The following MAP1B variants were observed in gnomAD, a reference collection of about 807,000 sequenced individuals.
The protein encoded by MAP1B is microtubule-associated protein 1B.
In MAP1B, 12 loss-of-function variants were observed where a neutral mutation model predicts 176.1. That is an observed-to-expected ratio of 0.07 (90% CI 0.04 to 0.11). The LOEUF (loss-of-function observed/expected upper bound fraction) is 0.11, where lower values mean the gene tolerates loss of function less well. Among genes scored for constraint, MAP1B ranks in the 10% least tolerant of loss-of-function variants. MAP1B has a pLI of 1.00. For synonymous variants in MAP1B, 1,044 were observed against 1,135.0 expected (o/e 0.92, Z 1.61); for missense variants, 2,523 against 2,990.5 (o/e 0.84, Z 3.65).
At chr5:72,193,208 T>C (rs1232923548) in intron 4 of MAP1B, 3 of 371,062 alleles carry the variant, frequency 8.1e-6, no homozygotes, top group African/African-American at 6.4e-5. Context: ...TTTGTAGTAA[T>C]AGGCAATCCG....
chr5:72,191,805 C>T lies in MAP1B; in HGVS notation c.511-2061C>T, dbSNP rs1283567611. On this transcript the variant is annotated intron_variant, in intron 4 of 6. Coordinates refer to ENST00000296755, the MANE Select transcript of MAP1B (RefSeq NM_005909.5). ...GTGTCTCTTGGCTATCTTTCATGAC[C>T]TCTGACTTCTCAGAATTCTGTGCAA... 2.0e-5 allele frequency among the ~76,000 whole-genome samples: 3 copies of T among 152,202 alleles called. No homozygotes were observed. The South Asian group carries it at 6.2e-4, about 32-fold the overall frequency.
Position 72,184,217 on chromosome 5 carries a change from A to C in MAP1B, c.369+392A>C, listed in dbSNP as rs78684526. ...CCTGGAGAAGAATGGCATCTCAAGAATGGCATCTCAATGCAAGCCCCATTC... is the reference window on the plus strand; with the variant it reads ...CCTGGAGAAGAATGGCATCTCAAGACTGGCATCTCAATGCAAGCCCCATTC... On this transcript the variant is annotated intron_variant, in intron 3 of 6. Coordinates refer to ENST00000296755, the MANE Select transcript of MAP1B (RefSeq NM_005909.5). Among the ~76,000 whole-genome samples, 1,301 of 152,288 alleles carry C rather than the reference A, an allele frequency of 8.5e-3. 16 individuals carry two copies. Among genetic ancestry groups the C allele is most frequent in the African/African-American group, 0.029 (1,221 of 41,546 alleles).
intron 2 of MAP1B, among the ~76,000 whole-genome samples, chr5:72,120,461 G>A (rs901791639): frequency 7.2e-6 from 1 of 138,074 alleles, no homozygotes; most frequent in African/African-American, 2.7e-5. Context: ...GTCTTGCTCT[G>A]TTGCCCAGGC....
chr5:72,172,017 GGT>G (rs1382012008), intron 2 of MAP1B, among the ~76,000 whole-genome samples: 2 of 152,216 alleles, frequency 1.3e-5, no homozygotes, highest in African/African-American at 4.8e-5. Flanking sequence ...AAAAATCACA[GGT>G]CCCTTGGGTT....
intron 4 of MAP1B, among the ~76,000 whole-genome samples, chr5:72,191,042 T>A (rs1747015315): frequency 6.6e-6 from 1 of 152,256 alleles, no homozygotes; most frequent in African/African-American, 2.4e-5. Context: ...CCTTGTTGCA[T>A]CTGTCATCCA....
At chr5:72,135,203 G>A (rs1037907002) in intron 2 of MAP1B, among the ~76,000 whole-genome samples, 6 of 151,950 alleles carry the variant, frequency 3.9e-5, no homozygotes, top group African/African-American at 1.2e-4. Flanking sequence ...TGTAACTGTA[G>A]GCAGCTTATG....
At chr5:72,123,174 C>T (rs1241804257) in intron 2 of MAP1B, among the ~76,000 whole-genome samples, 1 of 152,134 alleles carries the variant, frequency 6.6e-6, no homozygotes, top group Non-Finnish European at 1.5e-5. Context: ...AAGAAAGCAA[C>T]TGTAAGGGAA....
chr5:72,123,356 T>C (rs1745565546), intron 2 of MAP1B, among the ~76,000 whole-genome samples: 1 of 152,178 alleles, frequency 6.6e-6, no homozygotes, highest in South Asian at 2.1e-4. Flanking sequence ...CAGGCTGGAG[T>C]GCAGTGGTGC....
At chr5:72,142,897 A>C (rs890329186) in intron 2 of MAP1B, among the ~76,000 whole-genome samples, 29 of 152,156 alleles carry the variant, frequency 1.9e-4, no homozygotes, top group African/African-American at 7.0e-4. Context: ...TGAGGCATAG[A>C]GTTTTTAAGT....
rs1176397869 is a variant in MAP1B at position 72,128,092 on chromosome 5, G to A, written c.286+12293G>A. Among the ~76,000 whole-genome samples, 3 of 152,168 alleles carry A rather than the reference G, an allele frequency of 2.0e-5. No individual in the cohort carries two copies. The East Asian group carries it at 5.8e-4, about 29-fold the overall frequency. On this transcript the variant is annotated intron_variant, in intron 2 of 6. Transcript: ENST00000296755. ...GTTCAAGAGACATGCATTCAGGCAAGATGAGTGCACACCGTGCTACCTACT... is the reference window on the plus strand; with the variant it reads ...GTTCAAGAGACATGCATTCAGGCAAAATGAGTGCACACCGTGCTACCTACT...
chr5:72,125,744 A>G (rs1745616630), intron 2 of MAP1B, among the ~76,000 whole-genome samples: 1 of 152,262 alleles, frequency 6.6e-6, no homozygotes, highest in Non-Finnish European at 1.5e-5. Context: ...CATAAATGCA[A>G]CAGATCCTAA....
At position 72,208,743 on chromosome 5, in the gene MAP1B, A is replaced by T. The variant is rs543679067; in HGVS notation, c.*3504A>T. 6.6e-6 allele frequency: 1 copy of T among 152,330 alleles called. No individual in the cohort carries two copies. Among genetic ancestry groups the T allele is most frequent in the African/African-American group, 2.4e-5 (1 of 41,558 alleles). The allele number at this position is 152,330 out of a possible 1,614,324, so 9.4% of individuals were successfully genotyped here. A position where few individuals can be genotyped will look rare whatever the true frequency, so the allele number is the denominator to read the frequency against. ...TAAGATTTAATCATTTGCTAATGGA[A>T]ATCTTACCACCTTTCATTTTCCCTC... On this transcript the variant is annotated 3_prime_UTR_variant, in exon 7 of 7. Coordinates refer to ENST00000296755, the MANE Select transcript of MAP1B (RefSeq NM_005909.5).
intron 2 of MAP1B, among the ~76,000 whole-genome samples, chr5:72,165,154 T>G (rs1035126868): frequency 6.6e-6 from 1 of 152,228 alleles, no homozygotes; most frequent in Non-Finnish European, 1.5e-5. Flanking sequence ...TAATCTTTCT[T>G]GGTCCCCTGG....
Position 72,122,215 on chromosome 5 carries a change from C to G in MAP1B, c.286+6416C>G, listed in dbSNP as rs192113961. 5.9e-5 allele frequency among the ~76,000 whole-genome samples: 9 copies of G among 152,232 alleles called. No homozygotes were observed. In the East Asian group the frequency reaches 1.5e-3, roughly 26 times the overall value. ...TCCCTAGCCTTTCTCCCACTTGCCC[C>G]GTGCCCTGAGCCCTCCTGGCCCGGT... On this transcript the variant is annotated intron_variant, in intron 2 of 6. Transcript: ENST00000296755.
chr5:72,113,665 A>C (rs1745382273), intron 1 of MAP1B, among the ~76,000 whole-genome samples: 1 of 152,220 alleles, frequency 6.6e-6, no homozygotes, highest in African/African-American at 2.4e-5. Context: ...ATTTAATTTA[A>C]ATGCATATGT....
At chr5:72,171,292 T>A (rs577085891) in intron 2 of MAP1B, among the ~76,000 whole-genome samples, 26 of 152,204 alleles carry the variant, frequency 1.7e-4, no homozygotes, top group African/African-American at 4.8e-4. Flanking sequence ...AAAAGGCATT[T>A]AACAGTGTAA....
intron 2 of MAP1B, among the ~76,000 whole-genome samples, chr5:72,137,936 C>T (rs1266512464): frequency 6.6e-6 from 1 of 152,108 alleles, no homozygotes; most frequent in East Asian, 1.9e-4. Flanking sequence ...TATTAATATG[C>T]ATCGTATCTT....
intron 2 of MAP1B, among the ~76,000 whole-genome samples, chr5:72,135,023 T>G (rs987332258): frequency 6.0e-5 from 9 of 150,584 alleles, no homozygotes; most frequent in African/African-American, 2.2e-4. Flanking sequence ...CAGAGCTGAG[T>G]TGGTGGAAGA....
chr5:72,196,336 C>T lies in MAP1B; in HGVS notation c.2981C>T (p.Ala994Val). Residue 994 changes from alanine (A) to valine (V), a missense_variant, in exon 5 of 7, where the codon GCC (alanine) becomes GTC (valine). Ala to Val is a moderately conservative substitution (Grantham distance 64). Coordinates refer to ENST00000296755, the MANE Select transcript of MAP1B (RefSeq NM_005909.5). The surrounding 1 kb of genome is among the most constrained non-coding windows in gnomAD (Gnocchi z 5.3). ...AYIREKRESV[A>V]SGDDRAEEDM... ...ATCAGGGAGAAGAGGGAGTCTGTGG[C>T]CAGTGGGGATGACCGAGCCGAAGAA... The T allele has an allele frequency of 6.2e-7, 1 of 1,613,846 alleles. No homozygotes were observed. Among genetic ancestry groups the T allele is most frequent in the Non-Finnish European group, 8.5e-7 (1 of 1,179,964 alleles).
Sources: gnomAD v4.1 joint callset for allele counts (sites outside exome capture counted in the v4.1 genomes callset) on GRCh38, gnomAD v4.1.1 for gene constraint, Gnocchi (gnomAD v3.1) non-coding constraint, MANE v1.5 for transcripts, NCBI Gene and HGNC (gene_info 2026-07-23, HGNC 2026-07-21) for gene names.